VPS13A: variants seen among roughly 807,000 people sequenced by gnomAD.
VPS13A encodes intermembrane lipid transfer protein VPS13A.
A neutral mutation model predicts 390.9 loss-of-function variants in VPS13A; 264 were observed. The observed-to-expected ratio is 0.68, with a 90% confidence interval of 0.61 to 0.75. The LOEUF (loss-of-function observed/expected upper bound fraction) is 0.75. Ranked by LOEUF, VPS13A falls within the 30% of genes least tolerant of loss-of-function variation. VPS13A has a pLI of 0.00. For missense variants in VPS13A, 3,409 were observed against 3,733.9 expected (o/e 0.91, Z 2.27); for synonymous variants, 1,231 against 1,227.1 (o/e 1.00, Z -0.07).
At chr9:77,329,916 A>G (rs142084281) in intron 45 of VPS13A, among the ~76,000 whole-genome samples, 6 of 152,254 alleles carry the variant, frequency 3.9e-5, no homozygotes, top group African/African-American at 9.6e-5. Flanking sequence ...TTTAACATCT[A>G]TGTTCATCCT....
chr9:77,360,313 C>T (rs1187419457), intron 58 of VPS13A, among the ~76,000 whole-genome samples: 1 of 152,034 alleles, frequency 6.6e-6, no homozygotes, highest in East Asian at 1.9e-4. Context: ...TTTTATGACT[C>T]TGTATGACAG....
At chr9:77,260,634 C>T (rs1005791689) in intron 23 of VPS13A, among the ~76,000 whole-genome samples, 4 of 151,916 alleles carry the variant, frequency 2.6e-5, no homozygotes, top group Admixed American at 2.0e-4. Flanking sequence ...GGCTTACAGA[C>T]GTGAGCCACC....
intron 32 of VPS13A, 74 bp from the exon 33 acceptor site, chr9:77,295,468 C>A: frequency 1.6e-6 from 2 of 1,269,392 alleles, no homozygotes; most frequent in Non-Finnish European, 1.0e-6. Flanking sequence ...GGAGGTAAAA[C>A]CATAAATATC....
At position 77,318,572 on chromosome 9, in the gene VPS13A, ACTGT is replaced by A. The variant is rs1564724514; in HGVS notation, c.5296_5299del (p.Cys1766SerfsTer4). ...AACTGGAGTTCCCTAATAAATCTGC[ACTGT>A]CAGCTTGAGCTAGAAGTAAGCATAT... On this transcript the variant is annotated frameshift_variant, in exon 41 of 72. Coordinates refer to ENST00000360280, the MANE Select transcript of VPS13A (RefSeq NM_033305.3). LOFTEE classifies it high-confidence loss of function. 1.9e-6 allele frequency: 3 copies of A among 1,613,762 alleles called. No individual in the cohort carries two copies. In the South Asian group the frequency reaches 3.3e-5, roughly 18 times the overall value.
At chr9:77,205,925 A>C in intron 4 of VPS13A, 53 bp from the exon 5 acceptor site, 6 of 1,229,756 alleles carry the variant, frequency 4.9e-6, no homozygotes, top group Non-Finnish European at 6.9e-6. Flanking sequence ...TTTTGGAATG[A>C]CTATATTTAA....
Position 77,405,857 on chromosome 9 carries a change from T to C in VPS13A, c.9276-7T>C. 1 of 1,613,230 alleles carries C rather than the reference T, an allele frequency of 6.2e-7. No homozygotes were observed. Among genetic ancestry groups the C allele is most frequent in the Non-Finnish European group, 8.5e-7 (1 of 1,179,932 alleles). On this transcript the variant is annotated splice_polypyrimidine_tract_variant and splice_region_variant and intron_variant, in intron 69 of 71. Coordinates refer to ENST00000360280, the MANE Select transcript of VPS13A (RefSeq NM_033305.3). ...AGCGAATTCTTTTTTTGTTTTTCTT[T>C]TTGCAGTGGTGTATTGTTTGTAACA...
At position 77,226,530 on chromosome 9, in the gene VPS13A, G is replaced by C. The variant is rs1564645526; in HGVS notation, c.1289G>C (p.Trp430Ser). ...GVKDPEDNKGWFSWLWSWSEQ... is the reference protein window; with the variant it reads ...GVKDPEDNKGSFSWLWSWSEQ... ...AAAGATCCAGAGGATAATAAAGGGTGGTTTAGCTGGCTATGGTCTTGGTCA... is the reference window on the plus strand; with the variant it reads ...AAAGATCCAGAGGATAATAAAGGGTCGTTTAGCTGGCTATGGTCTTGGTCA... The change falls in exon 15 of 72, where the codon TGG (tryptophan) becomes TCG (serine). Residue 430 changes from tryptophan to serine, a missense_variant. This residue lies in a region of VPS13A where 2,717 missense variants were observed against 2,917.4 expected (regional missense o/e 0.93). Transcript: ENST00000360280. 6.2e-7 allele frequency: 1 copy of C among 1,613,030 alleles called. No homozygotes were observed. Among genetic ancestry groups the C allele is most frequent in the Non-Finnish European group, 8.5e-7 (1 of 1,179,362 alleles).
At chr9:77,270,052 G>T (rs1195041714) in intron 23 of VPS13A, among the ~76,000 whole-genome samples, 1 of 152,184 alleles carries the variant, frequency 6.6e-6, no homozygotes, top group Non-Finnish European at 1.5e-5. Flanking sequence ...GATTTCTGTT[G>T]TTAAAGTCAC....
intron 19 of VPS13A, among the ~76,000 whole-genome samples, chr9:77,244,161 C>T (rs1824670684): frequency 6.6e-6 from 1 of 152,086 alleles, no homozygotes; most frequent in South Asian, 2.1e-4. Context: ...TTGCTTGAGC[C>T]CGGGAGGTCA....
chr9:77,266,001 G>T (rs2131307601), intron 23 of VPS13A, among the ~76,000 whole-genome samples: 1 of 152,198 alleles, frequency 6.6e-6, no homozygotes. Flanking sequence ...TTGTGTCTTT[G>T]TTCTCATTGG....
chr9:77,344,871 G>T lies in VPS13A; in HGVS notation c.7156-138G>T, dbSNP rs965491545. The T allele has an allele frequency of 6.8e-6, 6 of 887,898 alleles. No homozygotes were observed. In the African/African-American group the frequency reaches 1.0e-4, roughly 15 times the overall value. The allele number at this position is 887,898 out of a possible 1,614,324, so 55.0% of individuals were successfully genotyped here. ...GAGATTATAGATTTCCAGAAATGCA[G>T]TACAAAATTCTGAATTGTTTTCTCA... is the stretch of plus-strand genomic sequence containing the variant. On this transcript the variant is annotated intron_variant, in intron 51 of 71. Transcript: ENST00000360280.
At position 77,370,929 on chromosome 9, in the gene VPS13A, A is replaced by AG; in HGVS notation, c.8947_8948insG (p.Ile2983SerfsTer14). 1 of 1,614,028 alleles carries AG rather than the reference A, an allele frequency of 6.2e-7. No individual in the cohort carries two copies. The highest frequency in any genetic ancestry group is 8.5e-7 in the Non-Finnish European group (1 of 1,180,014). On this transcript the variant is annotated frameshift_variant, in exon 66 of 72. Transcript: ENST00000360280. LOFTEE classifies it high-confidence loss of function. ...CATAACAGGAATTGTTACAAAACCA[A>AG]TCAAAGGCAAGTATAGTAGTTCCTT...
At chr9:77,280,956 AG>A (rs1257477434) in intron 27 of VPS13A, among the ~76,000 whole-genome samples, 1 of 152,150 alleles carries the variant, frequency 6.6e-6, no homozygotes, top group Non-Finnish European at 1.5e-5. Flanking sequence ...GCTTTAAAAA[AG>A]GGGGGGAATC....
chr9:77,199,965 C>T lies in VPS13A; in HGVS notation c.121C>T (p.Leu41Phe). The T allele has an allele frequency of 6.2e-7, 1 of 1,607,802 alleles. No homozygotes were observed. Among genetic ancestry groups the T allele is most frequent in the African/African-American group, 1.3e-5 (1 of 74,730 alleles). ...TTTAGGAGCTGTGGCCCTCAAGAAT[C>T]TTCAAATTAAAGAAAATGCCCTGGT... ...IWKGAVALKN[L>F]QIKENALSQL... The change falls in exon 2 of 72, where the codon CTT (leucine) becomes TTT (phenylalanine). Residue 41 changes from leucine to phenylalanine, a missense_variant. Coordinates refer to ENST00000360280, the MANE Select transcript of VPS13A (RefSeq NM_033305.3).
intron 51 of VPS13A, 91 bp from the exon 52 acceptor site, chr9:77,344,918 T>C (rs1268580994): frequency 3.2e-5 from 46 of 1,420,296 alleles, no homozygotes; most frequent in Non-Finnish European, 2.7e-5. Flanking sequence ...AATTAAATTA[T>C]CAAGTTATGA....
chr9:77,276,174 C>T lies in VPS13A; in HGVS notation c.2777C>T (p.Ala926Val). 1 of 1,610,070 alleles carries T rather than the reference C, an allele frequency of 6.2e-7. No homozygotes were observed. Among genetic ancestry groups the T allele is most frequent in the Non-Finnish European group, 8.5e-7 (1 of 1,178,198 alleles). Residue 926 changes from alanine to valine, a missense_variant, in exon 26 of 72, where the codon GCA becomes GTA. Coordinates refer to ENST00000360280, the MANE Select transcript of VPS13A (RefSeq NM_033305.3). ...EIEIRTYDLK[A>V]NAFLKEFCLK... ...GAGATTAGAACATACGATTTGAAAG[C>T]AAATGCCTTTTTGAAAGAGTTCTGC...
intron 69 of VPS13A, among the ~76,000 whole-genome samples, chr9:77,404,215 C>T (rs972420603): frequency 2.6e-5 from 4 of 152,164 alleles, no homozygotes; most frequent in African/African-American, 9.7e-5. Context: ...CCATTTTTTA[C>T]TTGTTTCCTT....
intron 68 of VPS13A, chr9:77,384,665 G>A: frequency 1.9e-6 from 3 of 1,594,230 alleles, no homozygotes; most frequent in Non-Finnish European, 2.6e-6. Flanking sequence ...ATGATGATGA[G>A]TCAGATCTAA....
intron 5 of VPS13A, among the ~76,000 whole-genome samples, chr9:77,208,867 A>G (rs946692437): frequency 6.6e-6 from 1 of 152,118 alleles, no homozygotes; most frequent in African/African-American, 2.4e-5. Flanking sequence ...GATTCTTTCT[A>G]TTTCTTTGGA....
Sources: allele counts gnomAD v4.1 joint callset (sites outside exome capture counted in the v4.1 genomes callset), GRCh38; gene constraint gnomAD v4.1.1; regional missense constraint gnomAD v4.1.1; transcripts MANE v1.5; gene names NCBI Gene and HGNC (gene_info 2026-07-23, HGNC 2026-07-21).